The following ZDHHC11B variants were observed in gnomAD, a reference collection of about 807,000 sequenced individuals.
ZDHHC11B encodes the protein zDHHC palmitoyltransferase 11B (putative), also known as probable palmitoyltransferase ZDHHC11B.
In ZDHHC11B, 17 loss-of-function variants were observed where a neutral mutation model predicts 42.3. The observed-to-expected ratio is 0.40, with a 90% CI of 0.27 to 0.60. The LOEUF (loss-of-function observed/expected upper bound fraction) is 0.60, where lower values mean the gene tolerates loss of function less well. ZDHHC11B is among the 20% of genes least tolerant of loss of function. The pLI, the probability that ZDHHC11B is intolerant of heterozygous loss-of-function variation, is 0.41. For missense variants in ZDHHC11B, 262 were observed against 463.2 expected (o/e 0.57, Z 3.99); for synonymous variants, 123 against 193.5 (o/e 0.64, Z 3.02).
intron 4 of ZDHHC11B, among the ~76,000 whole-genome samples, chr5:761,610 C>T (rs1180037038): frequency 3.3e-5 from 5 of 151,858 alleles, no homozygotes; most frequent in Admixed American, 6.6e-5. Flanking sequence ...CAGTGTGTGC[C>T]GGGTGGACAC....
chr5:729,426 CT>C (rs1742841590), intron 12 of ZDHHC11B, among the ~76,000 whole-genome samples: 1 of 150,654 alleles, frequency 6.6e-6, no homozygotes, highest in Admixed American at 6.6e-5. Flanking sequence ...GGGGCTTCCC[CT>C]GTGGGGCCGG....
chr5:744,130 T>G (rs1330584008), intron 9 of ZDHHC11B, among the ~76,000 whole-genome samples: 2 of 149,994 alleles, frequency 1.3e-5, no homozygotes, highest in Non-Finnish European at 3.0e-5. Context: ...TGAGCTGTAG[T>G]AATTGATTCC....
chr5:758,046 G>A (rs1734096064), intron 4 of ZDHHC11B, among the ~76,000 whole-genome samples: 1 of 151,822 alleles, frequency 6.6e-6, no homozygotes. Context: ...CTGTCCAGCT[G>A]GTGACACTGA....
intron 1 of ZDHHC11B, among the ~76,000 whole-genome samples, chr5:778,086 ACT>A (rs1714586644): frequency 6.6e-6 from 1 of 151,852 alleles, no homozygotes; most frequent in Non-Finnish European, 1.5e-5. Flanking sequence ...GGGCTCCCAG[ACT>A]CTGCAAAGGA....
intron 1 of ZDHHC11B, among the ~76,000 whole-genome samples, chr5:776,352 A>G (rs1256751049): frequency 1.7e-4 from 26 of 151,768 alleles, no homozygotes; most frequent in African/African-American, 6.3e-4. Context: ...CTCCATCATG[A>G]CCTGGACCCA....
intron 6 of ZDHHC11B, among the ~76,000 whole-genome samples, 157 bp downstream of exon 6, chr5:754,841 G>A (rs1205229806): frequency 7.5e-5 from 6 of 79,978 alleles, no homozygotes; most frequent in East Asian, 8.0e-4. Flanking sequence ...ACAGGAGGCC[G>A]GGGCACGCAG....
At chr5:777,662 T>A (rs1333754653) in intron 1 of ZDHHC11B, among the ~76,000 whole-genome samples, 1 of 151,934 alleles carries the variant, frequency 6.6e-6, no homozygotes, top group African/African-American at 2.4e-5. Context: ...AGAGCGTTGA[T>A]TGGTCCATTT....
At chr5:742,486 GAAAC>G in intron 9 of ZDHHC11B, among the ~76,000 whole-genome samples, 1 of 48,964 alleles carries the variant, frequency 2.0e-5, no homozygotes, top group South Asian at 7.2e-4. Flanking sequence ...GCACTTCACA[GAAAC>G]TGTTTTTTCA....
rs1221653078 is a variant in ZDHHC11B, at chr5:751,664, G to A, written c.504-407C>T. Among the ~76,000 whole-genome samples the A allele has an allele frequency of 6.2e-5, 8 of 128,016 alleles. 2 individuals are homozygous for A. The highest frequency in any genetic ancestry group is 1.4e-4 in the Non-Finnish European group (8 of 57,380). The allele number at this position is 128,016 out of a possible 152,430, so 84.0% of individuals were successfully genotyped here. A position where few individuals can be genotyped will look rare whatever the true frequency, so the allele number is the denominator to read the frequency against. On this transcript the variant is annotated intron_variant, in intron 6 of 13. Transcript: ENST00000508859. Reference sequence around the variant, plus strand: ...GCGTCCACTTGAGAGAGGGCTCCTGGCCACTGCCCGATGCTGGCCTCAAAC... The same window carrying A: ...GCGTCCACTTGAGAGAGGGCTCCTGACCACTGCCCGATGCTGGCCTCAAAC...
At chr5:763,856 T>C (rs1430522446) in intron 4 of ZDHHC11B, among the ~76,000 whole-genome samples, 4 of 152,000 alleles carry the variant, frequency 2.6e-5, no homozygotes, top group East Asian at 1.9e-4. Flanking sequence ...AATTTCCCGA[T>C]GTCCGAGATT....
chr5:778,163 C>A lies in ZDHHC11B; in HGVS notation c.-230+6505G>T, dbSNP rs188920816. 6.2e-4 allele frequency among the ~76,000 whole-genome samples: 94 copies of A among 151,954 alleles called. 2 individuals are homozygous for A. Among genetic ancestry groups the A allele is most frequent in the Non-Finnish European group, 9.4e-4 (64 of 67,880 alleles). Reference sequence around the variant, plus strand: ...CAAGGCCCAAGTGAGAATTAAACCACATGCCCAGCCAGTGCCCACCACCCG... The same window carrying A: ...CAAGGCCCAAGTGAGAATTAAACCAAATGCCCAGCCAGTGCCCACCACCCG... On this transcript the variant is annotated intron_variant, in intron 1 of 13. Coordinates refer to ENST00000508859, the MANE Select transcript of ZDHHC11B (RefSeq NM_001351303.2).
At chr5:722,427 C>T (rs1178478252) in intron 12 of ZDHHC11B, among the ~76,000 whole-genome samples, 1 of 151,396 alleles carries the variant, frequency 6.6e-6, no homozygotes, top group African/African-American at 2.4e-5. Context: ...AGAGAAAACT[C>T]GTATGACTCA....
At chr5:763,141 G>A (rs1399926740) in intron 4 of ZDHHC11B, among the ~76,000 whole-genome samples, 3 of 151,878 alleles carry the variant, frequency 2.0e-5, no homozygotes, top group Non-Finnish European at 4.4e-5. Context: ...AGACCGAGGT[G>A]GGTGGATCAC....
chr5:765,899 C>T (rs548713745), intron 4 of ZDHHC11B, among the ~76,000 whole-genome samples: 43 of 152,046 alleles, frequency 2.8e-4, no homozygotes, highest in African/African-American at 6.0e-4. Context: ...CCACCAGTTC[C>T]GGACACAGTG....
chr5:740,058 A>G (rs1164685342), intron 10 of ZDHHC11B, among the ~76,000 whole-genome samples: 3 of 150,098 alleles, frequency 2.0e-5, no homozygotes, highest in East Asian at 2.0e-4. Context: ...TATCTCACTT[A>G]TAAGTGGGAG....
rs560866046 is a variant in ZDHHC11B at position 771,791 on chromosome 5, T to G, written c.-229-2861A>C. On this transcript the variant is annotated intron_variant, in intron 1 of 13. Coordinates refer to ENST00000508859, the MANE Select transcript of ZDHHC11B (RefSeq NM_001351303.2). ...AAGAACCTTCTGGGATGCTTCAAAC[T>G]CAGGGCTGCGTTCTGTGGTCTCATC... Among the ~76,000 whole-genome samples the G allele has an allele frequency of 6.0e-5, 9 of 149,244 alleles. No homozygotes were observed. The South Asian group carries it at 2.0e-3, about 33-fold the overall frequency.
chr5:745,517 G>A (rs1171069616), intron 8 of ZDHHC11B, among the ~76,000 whole-genome samples: 1 of 149,948 alleles, frequency 6.7e-6, no homozygotes, highest in Non-Finnish European at 1.5e-5. Flanking sequence ...GGGGTCTGCA[G>A]CTGCGACCTG....
At chr5:758,181 C>T (rs772773848) in intron 4 of ZDHHC11B, among the ~76,000 whole-genome samples, 5 of 151,878 alleles carry the variant, frequency 3.3e-5, no homozygotes, top group Non-Finnish European at 5.9e-5. Flanking sequence ...CCTTGGGACG[C>T]TATCGGTGGC....
chr5:775,944 G>A (rs2150241768), intron 1 of ZDHHC11B, among the ~76,000 whole-genome samples: 1 of 144,282 alleles, frequency 6.9e-6, no homozygotes, highest in South Asian at 2.2e-4. Flanking sequence ...GGCCCTGCAG[G>A]TGGGAGTGCA....
Sources: gnomAD v4.1 joint callset for allele counts (sites outside exome capture counted in the v4.1 genomes callset) on GRCh38, gnomAD v4.1.1 for gene constraint, MANE v1.5 for transcripts, NCBI Gene and HGNC (gene_info 2026-07-23, HGNC 2026-07-21) for gene names.